Variants in SLC14A2 observed in about 807,000 individuals in gnomAD.
The protein encoded by SLC14A2 is urea transporter 2.
A neutral mutation model predicts 104.6 loss-of-function variants in SLC14A2; 91 were observed. The ratio of observed to expected loss-of-function variants is 0.87; its 90% CI spans 0.73 to 1.04. The LOEUF (loss-of-function observed/expected upper bound fraction) is 1.04, where lower values mean the gene tolerates loss of function less well. Ranked by LOEUF, SLC14A2 falls within the 50% of genes least tolerant of loss-of-function variation. The pLI is 0.00. For synonymous variants in SLC14A2, 476 were observed against 466.4 expected (o/e 1.02, Z -0.27); for missense variants, 1,189 against 1,156.0 (o/e 1.03, Z -0.41).
the SLC14A2 span, among the ~76,000 whole-genome samples, chr18:45,180,365 A>G: frequency 1.7e-4 from 26 of 152,278 alleles, no homozygotes; most frequent in East Asian, 4.8e-3. Flanking sequence ...AATGTACTTA[A>G]AATTCTTGGT....
chr18:45,368,919 A>T (rs1050489849), intron 1 of SLC14A2, among the ~76,000 whole-genome samples: 2 of 152,200 alleles, frequency 1.3e-5, no homozygotes, highest in Non-Finnish European at 2.9e-5. Flanking sequence ...CCGTAGAAGC[A>T]CAGGCCTTAA....
chr18:45,673,741 C>T lies in SLC14A2; in HGVS notation c.2436C>T (p.Ser812=). ...ACTTCGGCCTGTGTGGCTTCAACAGCACCCTCGCATGCATAGCGATAGGAG... is the reference window on the plus strand; with the variant it reads ...ACTTCGGCCTGTGTGGCTTCAACAGTACCCTCGCATGCATAGCGATAGGAG... ...SIYFGLCGFN[S]TLACIAIGGM... Residue 812 remains serine (S), a synonymous_variant, in exon 18 of 20, where the codon AGC becomes AGT. Coordinates refer to ENST00000255226, the MANE Select transcript of SLC14A2 (RefSeq NM_007163.4). 6.2e-7 allele frequency: 1 copy of T among 1,614,208 alleles called. No individual in the cohort carries two copies. The highest frequency in any genetic ancestry group is 8.5e-7 in the Non-Finnish European group (1 of 1,180,016).
intron 1 of SLC14A2, among the ~76,000 whole-genome samples, chr18:45,621,443 C>T (rs565695124): frequency 1.3e-5 from 2 of 152,350 alleles, no homozygotes; most frequent in South Asian, 4.1e-4. Flanking sequence ...GGGGTTCTGC[C>T]TGCAGAAAAT....
intron 1 of SLC14A2, among the ~76,000 whole-genome samples, chr18:45,368,330 G>A (rs568911291): frequency 2.7e-4 from 41 of 152,270 alleles, no homozygotes; most frequent in Middle Eastern, 6.8e-3. Flanking sequence ...GAGGGTGAGA[G>A]TGTAGGAGGG....
chr18:45,451,100 C>T (rs1421762100), intron 1 of SLC14A2, among the ~76,000 whole-genome samples: 1 of 152,206 alleles, frequency 6.6e-6, no homozygotes, highest in Non-Finnish European at 1.5e-5. Context: ...AAACAGTAAG[C>T]TTTCCACAAT....
chr18:45,304,985 A>G (rs190965039), intron 1 of SLC14A2, among the ~76,000 whole-genome samples: 1 of 150,810 alleles, frequency 6.6e-6, no homozygotes, highest in Admixed American at 6.6e-5. Flanking sequence ...GGCTTGTAAG[A>G]GAGTGTTGGA....
the SLC14A2 span, among the ~76,000 whole-genome samples, chr18:45,187,126 T>C: frequency 9.2e-5 from 14 of 152,274 alleles, no homozygotes; most frequent in South Asian, 2.5e-3. Flanking sequence ...CCCAGGAATA[T>C]TCTGCATTTC....
intron 1 of SLC14A2, among the ~76,000 whole-genome samples, chr18:45,256,656 T>C (rs2084481802): frequency 6.6e-6 from 1 of 152,242 alleles, no homozygotes; most frequent in African/African-American, 2.4e-5. Flanking sequence ...TTACCAATGA[T>C]AGAACTATCA....
intron 1 of SLC14A2, among the ~76,000 whole-genome samples, chr18:45,356,969 C>T (rs554087111): frequency 1.3e-5 from 2 of 152,298 alleles, no homozygotes; most frequent in East Asian, 1.9e-4. Flanking sequence ...GGTGCTAGAA[C>T]ACAGCAGGAA....
chr18:45,369,265 T>G (rs1331315240), intron 1 of SLC14A2, among the ~76,000 whole-genome samples: 1 of 152,184 alleles, frequency 6.6e-6, no homozygotes, highest in East Asian at 1.9e-4. Context: ...CCATCTTTCT[T>G]TTCCCATATC....
chr18:45,415,790 G>A (rs909186146), intron 1 of SLC14A2, among the ~76,000 whole-genome samples: 2 of 152,016 alleles, frequency 1.3e-5, no homozygotes, highest in African/African-American at 2.4e-5. Flanking sequence ...TCTTAACATC[G>A]AACCACCTGA....
At chr18:45,267,811 C>G (rs1433613571) in intron 1 of SLC14A2, among the ~76,000 whole-genome samples, 1 of 152,134 alleles carries the variant, frequency 6.6e-6, no homozygotes, top group Non-Finnish European at 1.5e-5. Context: ...AAAGGTGTTT[C>G]CCAATGACTG....
chr18:45,211,367 C>T (rs539855207), upstream of SLC14A2, among the ~76,000 whole-genome samples: 4 of 152,090 alleles, frequency 2.6e-5, no homozygotes, highest in Admixed American at 1.3e-4. Context: ...AATCTTAGAC[C>T]AAACAGAAAA....
chr18:45,178,618 GATA>G, the SLC14A2 span, among the ~76,000 whole-genome samples: 1 of 152,154 alleles, frequency 6.6e-6, no homozygotes, highest in Non-Finnish European at 1.5e-5. Flanking sequence ...AATATGCAAT[GATA>G]ATAATATTTA....
At chr18:45,255,673 T>C (rs1395878455) in intron 1 of SLC14A2, among the ~76,000 whole-genome samples, 1 of 152,202 alleles carries the variant, frequency 6.6e-6, no homozygotes, top group East Asian at 1.9e-4. Context: ...GGTCACGTGG[T>C]GTCCATTTAA....
intron 2 of SLC14A2, among the ~76,000 whole-genome samples, chr18:45,573,893 T>C (rs1161491461): frequency 6.6e-6 from 1 of 152,218 alleles, no homozygotes; most frequent in Admixed American, 6.5e-5. Context: ...TGTTGAAACC[T>C]TATTAAAATT....
At chr18:45,413,527 C>T (rs1568189332) in intron 1 of SLC14A2, among the ~76,000 whole-genome samples, 2 of 152,168 alleles carry the variant, frequency 1.3e-5, no homozygotes, top group South Asian at 2.1e-4. Context: ...TGGACTCAGA[C>T]CCTAGTTCCT....
intron 10 of SLC14A2, among the ~76,000 whole-genome samples, chr18:45,658,865 A>T (rs2045886819): frequency 6.6e-6 from 1 of 152,148 alleles, no homozygotes; most frequent in South Asian, 2.1e-4. Context: ...CTCCCAAGGA[A>T]AGTGTTCCTG....
At chr18:45,414,760 ATATATATATATAT>A (rs1568190192) in intron 1 of SLC14A2, among the ~76,000 whole-genome samples, 2,582 of 55,262 alleles carry the variant, frequency 0.047, 243 homozygotes, top group Admixed American at 0.11. Flanking sequence ...AAAAAAAAAT[ATATATATATATAT>A]ATATATATAT....
Sources: allele counts gnomAD v4.1 joint callset (sites outside exome capture counted in the v4.1 genomes callset), GRCh38; gene constraint gnomAD v4.1.1; transcripts MANE v1.5; gene names NCBI Gene and HGNC (gene_info 2026-07-23, HGNC 2026-07-21).